Variants in ACADS observed in about 807,000 individuals in gnomAD.
The protein encoded by ACADS is acyl-CoA dehydrogenase short chain.
In ACADS, 28 loss-of-function variants were observed where a neutral mutation model predicts 46.8. That is an observed-to-expected ratio of 0.60 (90% confidence interval 0.44 to 0.82). The LOEUF (loss-of-function observed/expected upper bound fraction) is 0.82, where lower values mean the gene tolerates loss of function less well. Ranked by LOEUF, ACADS falls within the 40% of genes least tolerant of loss-of-function variation. The pLI is 0.00. For synonymous variants in ACADS, 236 were observed against 237.7 expected (o/e 0.99, Z 0.07); for missense variants, 528 against 578.0 (o/e 0.91, Z 0.89).
At chr12:120,732,916 C>T (rs1356929046) in intron 2 of ACADS, among the ~76,000 whole-genome samples, 2 of 152,178 alleles carry the variant, frequency 1.3e-5, no homozygotes, top group Admixed American at 1.3e-4. Flanking sequence ...AGCCACTGCA[C>T]TCCAGCCTGG....
Position 120,739,187 on chromosome 12 carries a change from C to A in ACADS, c.1077C>A (p.Ile359=), listed in dbSNP as rs1218367017. The change falls in exon 9 of 10, where the codon ATC becomes ATA. Residue 359 remains isoleucine, a synonymous_variant. Transcript: ENST00000242592. ...KLAASEAATA[I]SHQAIQILGG... ...CCGCCTCGGAGGCCGCGACCGCCAT[C>A]AGCCACCAGGTGAGTGTCCACAGTG... is the stretch of plus-strand genomic sequence containing the variant. 6.2e-7 allele frequency: 1 copy of A among 1,613,066 alleles called. No homozygotes were observed. Among genetic ancestry groups the A allele is most frequent in the East Asian group, 2.2e-5 (1 of 44,870 alleles).
In ACADS at chr12:120,725,847, A is replaced by T; in HGVS notation, c.-39A>T. 6.5e-7 allele frequency: 1 copy of T among 1,529,734 alleles called. No individual in the cohort carries two copies. The highest frequency in any genetic ancestry group is 8.7e-7 in the Non-Finnish European group (1 of 1,145,342). The allele number at this position is 1,529,734 out of a possible 1,614,324, so 94.8% of individuals were successfully genotyped here. On this transcript the variant is annotated 5_prime_UTR_variant, in exon 1 of 10. Coordinates refer to ENST00000242592, the MANE Select transcript of ACADS (RefSeq NM_000017.4). ...CAGCACTCCGGAACAGCGCGCTCGC[A>T]GCGGGAGGTCGCGAAGCCTGGGACT...
At position 120,725,853 on chromosome 12, in the gene ACADS, A is replaced by G; in HGVS notation, c.-33A>G. ...TCCGGAACAGCGCGCTCGCAGCGGG[A>G]GGTCGCGAAGCCTGGGACTGTGTCT... On this transcript the variant is annotated 5_prime_UTR_variant, in exon 1 of 10. Coordinates refer to ENST00000242592, the MANE Select transcript of ACADS (RefSeq NM_000017.4). 6.5e-7 allele frequency: 1 copy of G among 1,532,964 alleles called. No individual in the cohort carries two copies. Among genetic ancestry groups the G allele is most frequent in the Non-Finnish European group, 8.7e-7 (1 of 1,147,240 alleles). The allele number at this position is 1,532,964 out of a possible 1,614,324, so 95.0% of individuals were successfully genotyped here. A position where few individuals can be genotyped will look rare whatever the true frequency, so the allele number is the denominator to read the frequency against.
intron 5 of ACADS, 50 bp downstream of exon 5, chr12:120,738,038 T>C: frequency 6.2e-7 from 1 of 1,611,108 alleles, no homozygotes; most frequent in Non-Finnish European, 8.5e-7. Context: ...TGCTGTCATT[T>C]CTGTTTCTAG....
rs747915680 is a variant in ACADS at position 120,737,841 on chromosome 12, C to T, written c.477C>T (p.Asn159=). 26 of 1,613,876 alleles carry T rather than the reference C, an allele frequency of 1.6e-5. No homozygotes were observed. The highest frequency in any genetic ancestry group is 2.2e-5 in the South Asian group (2 of 91,068). Residue 159 remains asparagine, a synonymous_variant, in exon 5 of 10, where the codon AAC becomes AAT. Transcript: ENST00000242592. ...GCCCTGGGTCTGTGTGGGCAGGGAA[C>T]GGCAGTGATGCAGGAGCTGCGTCCA... ...IGCFALSEPG[N]GSDAGAASTT... is the part of the protein sequence containing the mutation.
intron 2 of ACADS, among the ~76,000 whole-genome samples, chr12:120,734,877 G>A (rs1297030676): frequency 2.7e-5 from 4 of 149,230 alleles, no homozygotes; most frequent in African/African-American, 9.9e-5. Context: ...TCAGCCTCCC[G>A]AGTAGCTGGG....
At chr12:120,734,242 C>T (rs1228531362) in intron 2 of ACADS, among the ~76,000 whole-genome samples, 1 of 152,218 alleles carries the variant, frequency 6.6e-6, no homozygotes, top group African/African-American at 2.4e-5. Context: ...GAACATACTC[C>T]TGGGACCTGG....
chr12:120,733,296 T>TA, intron 2 of ACADS, among the ~76,000 whole-genome samples: 1 of 150,248 alleles, frequency 6.7e-6, no homozygotes, highest in South Asian at 2.1e-4. Flanking sequence ...AGACGGGGTT[T>TA]TACCATGTTG....
At chr12:120,734,342 C>T (rs926003080) in intron 2 of ACADS, among the ~76,000 whole-genome samples, 7 of 152,356 alleles carry the variant, frequency 4.6e-5, no homozygotes, top group Non-Finnish European at 2.9e-5. Context: ...CCTCTGACTG[C>T]AGCACAGCAT....
intron 9 of ACADS, 23 bp downstream of exon 9, chr12:120,739,219 G>C: frequency 6.2e-7 from 1 of 1,613,056 alleles, no homozygotes; most frequent in Non-Finnish European, 8.5e-7. Context: ...AGTGAGCTCT[G>C]AGGGGGCCAG....
chr12:120,737,221 G>A, intron 3 of ACADS, 86 bp downstream of exon 3: 1 of 1,539,138 alleles, frequency 6.5e-7, no homozygotes, highest in Non-Finnish European at 8.8e-7. Context: ...TCCCAGCCCT[G>A]ATCTCTCTGG....
intron 2 of ACADS, among the ~76,000 whole-genome samples, chr12:120,733,218 G>A (rs959380365): frequency 1.2e-4 from 18 of 152,118 alleles, no homozygotes; most frequent in Admixed American, 1.0e-3. Flanking sequence ...CGTGGAAAGA[G>A]AGGGAGAGGG....
At chr12:120,735,821 C>T (rs1199090148) in intron 2 of ACADS, among the ~76,000 whole-genome samples, 2 of 151,786 alleles carry the variant, frequency 1.3e-5, no homozygotes, top group African/African-American at 4.8e-5. Flanking sequence ...TTGCTTGAAC[C>T]TGGGAGGAAG....
chr12:120,734,104 T>C (rs1883355561), intron 2 of ACADS, among the ~76,000 whole-genome samples: 1 of 152,200 alleles, frequency 6.6e-6, no homozygotes, highest in African/African-American at 2.4e-5. Flanking sequence ...TCTCCTTCTC[T>C]GAGTCTGTGT....
rs573789900 is a variant in ACADS at position 120,737,174 on chromosome 12, G to A, written c.360+39G>A. 24 of 1,556,792 alleles carry A rather than the reference G, an allele frequency of 1.5e-5. No individual in the cohort carries two copies. The African/African-American group carries it at 2.7e-4, about 18-fold the overall frequency. ...CAGGCCCCTGGGACACACGGGTGGA[G>A]GGAGGCTCCCGTGAGCGGGCAGGCT... On this transcript the variant is annotated intron_variant, in intron 3 of 9. Transcript: ENST00000242592.
rs1289495294 is a variant in ACADS, at chr12:120,737,793, G to C, written c.473-44G>C. ...GGAGTGAGGCTGGTGCCCTTAGGTT[G>C]TGTGGGGTGGGGCGTGCGCTGAGCC... is the stretch of plus-strand genomic sequence containing the variant. On this transcript the variant is annotated intron_variant, in intron 4 of 9. Transcript: ENST00000242592. 5 of 1,612,272 alleles carry C rather than the reference G, an allele frequency of 3.1e-6. No homozygotes were observed. In the South Asian group the frequency reaches 5.5e-5, roughly 18 times the overall value.
At chr12:120,737,691 C>T in intron 4 of ACADS, 146 bp from the exon 5 acceptor site, 6 of 1,261,356 alleles carry the variant, frequency 4.8e-6, no homozygotes, top group Non-Finnish European at 4.4e-6. Flanking sequence ...CCTCTGGTCC[C>T]ATCACTGAGA....
intron 7 of ACADS, 41 bp from the exon 8 acceptor site, chr12:120,738,779 G>T (rs900784894): frequency 6.2e-7 from 1 of 1,612,948 alleles, no homozygotes; most frequent in East Asian, 2.2e-5. Flanking sequence ...TCCCCTGGAG[G>T]GGCAGCTGCT....
At position 120,733,864 on chromosome 12, in the gene ACADS, A is replaced by AG; in HGVS notation, c.211-3122_211-3121insG. Among the ~76,000 whole-genome samples the AG allele has an allele frequency of 1.3e-5, 2 of 151,770 alleles. 1 individual carries two copies. Among genetic ancestry groups the AG allele is most frequent in the East Asian group, 3.8e-4 (2 of 5,202 alleles). On this transcript the variant is annotated intron_variant, in intron 2 of 9. Coordinates refer to ENST00000242592, the MANE Select transcript of ACADS (RefSeq NM_000017.4). ...CCCATCTCTACCAAAAAAAAAAAAA[A>AG]AAAATAGAAAAAACAAAACCAAACC...
Sources: allele counts gnomAD v4.1 joint callset (sites outside exome capture counted in the v4.1 genomes callset), GRCh38; gene constraint gnomAD v4.1.1; transcripts MANE v1.5; gene names NCBI Gene and HGNC (gene_info 2026-07-23, HGNC 2026-07-21).